The following PLEC variants were observed in gnomAD, a reference collection of about 807,000 sequenced individuals.
The protein encoded by PLEC is plectin.
PLEC carries 216 observed loss-of-function variants against 392.8 expected under a neutral mutation model. The observed-to-expected ratio is 0.55, with a 90% CI of 0.49 to 0.62. The LOEUF (loss-of-function observed/expected upper bound fraction) is 0.62, where lower values mean the gene tolerates loss of function less well. PLEC is among the 20% of genes least tolerant of loss of function. The pLI is 0.00. For synonymous variants in PLEC, 3,621 were observed against 2,980.6 expected (o/e 1.21, Z -7.00); for missense variants, 6,863 against 6,563.4 (o/e 1.05, Z -1.58).
At chr8:143,954,283 A>G (rs1418011143), upstream of PLEC, among the ~76,000 whole-genome samples, 1 of 152,052 alleles carries the variant, frequency 6.6e-6, no homozygotes, top group South Asian at 2.1e-4. The surrounding 1 kb of genome is among the most constrained non-coding windows in gnomAD (Gnocchi z 4.6). Context: ...TCAAGCCCCC[A>G]GACCCTGGTC....
chr8:143,934,475 T>A, intron 10 of PLEC, 30 bp from the exon 11 acceptor site: 1 of 1,609,356 alleles, frequency 6.2e-7, no homozygotes, highest in Non-Finnish European at 8.5e-7. Flanking sequence ...TCAGGCCCTA[T>A]AGGCAGGGGG....
chr8:143,950,527 C>G, exon 1 of PLEC: 1 of 1,607,434 alleles, frequency 6.2e-7, no homozygotes, highest in Non-Finnish European at 8.5e-7. Flanking sequence ...TCTCGCGGAC[C>G]AGGCCCCGTG....
chr8:143,918,871 C>A lies in PLEC; in HGVS notation c.10950G>T (p.Glu3650Asp), dbSNP rs782756562. 2.5e-6 allele frequency: 4 copies of A among 1,612,896 alleles called. No homozygotes were observed. Among genetic ancestry groups the A allele is most frequent in the Non-Finnish European group, 2.5e-6 (3 of 1,180,040 alleles). Residue 3650 changes from glutamate (E) to aspartate (D), a missense_variant, in exon 32 of 32, where the codon GAG (glutamate) becomes GAT (aspartate). Transcript: ENST00000345136. ...AGATGATCCGAGCCTCGAACAGGTC[C>A]TCAGCCGTGAGGCGGCGGCGCACGT... ...YDYVRRRLTA[E>D]DLFEARIISL... is the part of the protein sequence containing the mutation.
upstream of PLEC, chr8:143,942,246 T>C (rs1830615441): frequency 3.7e-6 from 3 of 800,628 alleles, no homozygotes; most frequent in South Asian, 1.6e-5. Context: ...TCCCCAGGTG[T>C]TTCCGGAGCT....
chr8:143,962,425 C>T lies in PLEC; in HGVS notation c.70+10978G>A, dbSNP rs141249710. On this transcript the variant is annotated intron_variant, in intron 1 of 31. Coordinates refer to the PLEC transcript ENST00000356346. ...AAGATAAATTTCTATTGTTTTAGGG[C>T]GCCCTGCCTGTGGCTCTTCCCTGTG... Among the ~76,000 whole-genome samples, 62 of 152,320 alleles carry T rather than the reference C, an allele frequency of 4.1e-4. No homozygotes were observed. In the East Asian group the frequency reaches 5.4e-3, roughly 13 times the overall value.
rs560777323 is a variant in PLEC, at chr8:143,925,224, T to C, written c.4705A>G (p.Thr1569Ala). 4.5e-5 allele frequency: 71 copies of C among 1,586,314 alleles called. 1 individual carries two copies. In the African/African-American group the frequency reaches 7.8e-4, roughly 17 times the overall value. ...TCCGCCTCTGCACTGCGCTGCGCCG[T>C]CTCCAGGGCCACCTGTACCTGCCGC... is the stretch of plus-strand genomic sequence containing the variant. Reference protein sequence around the residue: ...RARQVQVALETAQRSAEAELQ... With the variant: ...RARQVQVALEAAQRSAEAELQ... Residue 1569 changes from threonine (T) to alanine (A), a missense_variant, in exon 31 of 32, where the codon ACG (threonine) becomes GCG (alanine). Coordinates refer to ENST00000345136, the MANE Select transcript of PLEC (RefSeq NM_201384.3).
In PLEC at chr8:143,920,895, C is replaced by A; in HGVS notation, c.8926G>T (p.Gly2976Cys). 1 of 1,612,044 alleles carries A rather than the reference C, an allele frequency of 6.2e-7. No homozygotes were observed. The highest frequency in any genetic ancestry group is 1.6e-4 in the Middle Eastern group (1 of 6,062). ...QEQKGRLCFEGLRSLVPAAEL... is the reference protein window; with the variant it reads ...QEQKGRLCFECLRSLVPAAEL... Reference sequence around the variant, plus strand: ...GCGGCTGGCACCAGGCTGCGCAGGCCCTCAAAGCAAAGCCGGCCCTTCTGC... The same window carrying A: ...GCGGCTGGCACCAGGCTGCGCAGGCACTCAAAGCAAAGCCGGCCCTTCTGC... Residue 2976 changes from glycine (G) to cysteine (C), a missense_variant, in exon 32 of 32, where the codon GGC (glycine) becomes TGC (cysteine). Physicochemically the swap from Gly to Cys is radical, Grantham distance 159 (BLOSUM62 -3). Coordinates refer to ENST00000345136, the MANE Select transcript of PLEC (RefSeq NM_201384.3).
intron 1 of PLEC, chr8:143,945,172 C>T: frequency 2.2e-6 from 1 of 462,470 alleles, no homozygotes; most frequent in Non-Finnish European, 4.4e-6. Context: ...CAGCACCTGG[C>T]CCCACCGGTG....
Position 143,920,007 on chromosome 8 carries a change from G to GC in PLEC, c.9813dup (p.Arg3272AlafsTer58). 1 of 1,613,232 alleles carries GC rather than the reference G, an allele frequency of 6.2e-7. No homozygotes were observed. The highest frequency in any genetic ancestry group is 8.5e-7 in the Non-Finnish European group (1 of 1,180,026). On this transcript the variant is annotated frameshift_variant, in exon 32 of 32. Coordinates refer to ENST00000345136, the MANE Select transcript of PLEC (RefSeq NM_201384.3). LOFTEE classifies it high-confidence loss of function. ...GTGACCTTGCCCGTGCGGAACTGAC[G>GC]CAACAGCTCCTGCCGCTGCTCCGCA...
upstream of PLEC, chr8:143,943,860 G>A (rs1554730609): frequency 1.9e-6 from 3 of 1,612,278 alleles, no homozygotes; most frequent in Non-Finnish European, 2.5e-6. Context: ...ACAACCACCA[G>A]GGAGGGAAAC....
chr8:143,952,447 G>A (rs1832285188), upstream of PLEC, among the ~76,000 whole-genome samples: 1 of 152,132 alleles, frequency 6.6e-6, no homozygotes, highest in Non-Finnish European at 1.5e-5. Flanking sequence ...AGCACCTGCG[G>A]ACCCTCCACC....
rs62522552 is a variant in PLEC, at chr8:143,927,099, G to T, written c.3841-18C>A. 8.1e-6 allele frequency: 13 copies of T among 1,599,760 alleles called. No individual in the cohort carries two copies. The highest frequency in any genetic ancestry group is 1.1e-5 in the Non-Finnish European group (13 of 1,171,640). ...TCATAGTCCTGTGGCAATGCACTGC[G>T]GTCAGCCACCAGCTCTGCCCTCCGA... On this transcript the variant is annotated intron_variant, in intron 28 of 31. Transcript: ENST00000345136.
upstream of PLEC, chr8:143,942,303 CAGGCGGCGGTTCCCAGCAG>C (rs1830632999): frequency 1.3e-6 from 2 of 1,512,862 alleles, no homozygotes; most frequent in African/African-American, 2.7e-5. Context: ...CATCCCAGCC[CAGGCGGCGGTTCCCAGCAG>C]AGACCCAGCC....
Position 143,918,609 on chromosome 8 carries a change from T to C in PLEC, c.11212A>G (p.Lys3738Glu). 6.2e-7 allele frequency: 1 copy of C among 1,612,664 alleles called. No individual in the cohort carries two copies. The highest frequency in any genetic ancestry group is 1.1e-5 in the South Asian group (1 of 91,078). ...TCATCCACAGTCAGCCGCTCCCCCT[T>C]CACCGGGTCCAGCAGGAAGCCTGTG... ...AATGFLLDPVKGERLTVDEAV... is the reference protein window; with the variant it reads ...AATGFLLDPVEGERLTVDEAV... Residue 3738 changes from lysine to glutamate, a missense_variant, in exon 32 of 32, where the codon AAG becomes GAG. Coordinates refer to ENST00000345136, the MANE Select transcript of PLEC (RefSeq NM_201384.3).
In PLEC at chr8:143,921,741, C is replaced by T; in HGVS notation, c.8080G>A (p.Gly2694Ser). Residue 2694 changes from glycine (G) to serine (S), a missense_variant, in exon 32 of 32, where the codon GGC (glycine) becomes AGC (serine). Gly to Ser is a moderately conservative substitution (Grantham distance 56). Transcript: ENST00000345136. The part of the protein sequence containing the change: ...RREDVRHYLQ[G>S]RSSIAGLLLK... ...AACAGCCCTGCGATACTGCTGCGGC[C>T]CTGCAGGTAGTGGCGCACGTCTTCC... 6.2e-7 allele frequency: 1 copy of T among 1,612,692 alleles called. No homozygotes were observed. Among genetic ancestry groups the T allele is most frequent in the Non-Finnish European group, 8.5e-7 (1 of 1,179,886 alleles).
chr8:143,953,784 G>A (rs1191629706), upstream of PLEC: 4 of 1,611,672 alleles, frequency 2.5e-6, no homozygotes, highest in Non-Finnish European at 3.4e-6. Flanking sequence ...CTGCGCCGGG[G>A]CTGAGGGCGG....
In PLEC at chr8:143,922,234, C is replaced by T. The variant is rs782650471; in HGVS notation, c.7587G>A (p.Gln2529=). Residue 2529 remains glutamine, a synonymous_variant, in exon 32 of 32, where the codon CAG becomes CAA. Transcript: ENST00000345136. ...GCTGCCGCTGCTGCTCCTCACGCAG[C>T]TGCTGTGCCTTGGCCACCTCGTCCT... The part of the protein sequence containing the change: ...LFQDEVAKAQ[Q]LREEQQRQQQ... 1.1e-5 allele frequency: 18 copies of T among 1,582,496 alleles called. No individual in the cohort carries two copies. The East Asian group carries it at 3.4e-4, about 30-fold the overall frequency.
In PLEC at chr8:143,925,247, C is replaced by A. The variant is rs376840697; in HGVS notation, c.4682G>T (p.Arg1561Leu). Reference protein sequence around the residue: ...RLRQAEVERARQVQVALETAQ... With the variant: ...RLRQAEVERALQVQVALETAQ... The stretch of plus-strand genomic sequence containing the variant: ...CGTCTCCAGGGCCACCTGTACCTGC[C>A]GCGCTCGCTCCACCTCGGCCTGCCG... The change falls in exon 31 of 32, where the codon CGG (arginine) becomes CTG (leucine). Residue 1561 changes from arginine to leucine, a missense_variant. By Grantham distance (102) the Arg-to-Leu change is moderately radical (BLOSUM62 -2). Transcript: ENST00000345136. The A allele has an allele frequency of 1.3e-6, 2 of 1,588,014 alleles. No homozygotes were observed. The highest frequency in any genetic ancestry group is 1.7e-6 in the Non-Finnish European group (2 of 1,175,428).
chr8:143,916,327 CCGGGAGCCGGTGCGCGAGCCGGTG>C lies in PLEC; in HGVS notation c.13470_13493del (p.Thr4491_Arg4498del), dbSNP rs1820517739. 2 of 1,590,956 alleles carry C rather than the reference CCGGGAGCCGGTGCGCGAGCCGGTG, an allele frequency of 1.3e-6. No homozygotes were observed. Among genetic ancestry groups the C allele is most frequent in the Non-Finnish European group, 1.7e-6 (2 of 1,171,090 alleles). On this transcript the variant is annotated inframe_deletion, in exon 32 of 32. Transcript: ENST00000345136. Reference sequence around the variant, plus strand: ...CAAAGCTGCCGCGGCGGGAGCCGGCCCGGGAGCCGGTGCGCGAGCCGGTGCGGGAGCCAGCGGTAGAGCCGGAGC... The same window carrying C: ...CAAAGCTGCCGCGGCGGGAGCCGGCCCGGGAGCCAGCGGTAGAGCCGGAGC...
Sources: gnomAD v4.1 joint callset for allele counts (sites outside exome capture counted in the v4.1 genomes callset) on GRCh38, gnomAD v4.1.1 for gene constraint, Gnocchi (gnomAD v3.1) non-coding constraint, MANE v1.5 for transcripts, NCBI Gene and HGNC (gene_info 2026-07-23, HGNC 2026-07-21) for gene names.